Variants in ABCB5 observed in about 807,000 individuals in gnomAD.
ABCB5 encodes ATP binding cassette subfamily B member 5.
A neutral mutation model predicts 144.2 loss-of-function variants in ABCB5; 155 were observed. That is an observed-to-expected ratio of 1.08 (90% CI 0.94 to 1.23). The LOEUF (loss-of-function observed/expected upper bound fraction) is 1.23. Ranked by LOEUF, ABCB5 falls within the 50% of genes most tolerant of loss-of-function variation. ABCB5 has a pLI of 0.00. For synonymous variants in ABCB5, 610 were observed against 528.6 expected (o/e 1.15, Z -2.11); for missense variants, 1,830 against 1,520.8 (o/e 1.20, Z -3.38).
intron 16 of ABCB5, among the ~76,000 whole-genome samples, chr7:20,690,147 C>T (rs149701100): frequency 1.6e-4 from 25 of 152,284 alleles, no homozygotes; most frequent in African/African-American, 6.0e-4. Flanking sequence ...CTTTTTCCCC[C>T]CATTAACCCT....
intron 16 of ABCB5, among the ~76,000 whole-genome samples, chr7:20,690,762 G>T (rs143143311): frequency 6.6e-6 from 1 of 152,044 alleles, no homozygotes; most frequent in Non-Finnish European, 1.5e-5. Context: ...ATTTAGATTC[G>T]GATAGAAAAA....
intron 23 of ABCB5, among the ~76,000 whole-genome samples, chr7:20,736,871 A>G (rs953865782): frequency 7.2e-5 from 11 of 152,122 alleles, no homozygotes; most frequent in African/African-American, 2.7e-4. Context: ...TACAGAATCC[A>G]CCTGGAGAAA....
At chr7:20,665,995 C>A (rs947674893) in intron 14 of ABCB5, among the ~76,000 whole-genome samples, 1 of 151,096 alleles carries the variant, frequency 6.6e-6, no homozygotes, top group Non-Finnish European at 1.5e-5. Context: ...CATGGAGAAA[C>A]CCTGTCTCTA....
At chr7:20,727,592 G>A (rs1562582029) in intron 22 of ABCB5, among the ~76,000 whole-genome samples, 1 of 151,982 alleles carries the variant, frequency 6.6e-6, no homozygotes, top group Non-Finnish European at 1.5e-5. Flanking sequence ...AAAATTAGCT[G>A]GGTGTGGTGG....
At chr7:20,704,675 T>TA (rs550551533) in intron 19 of ABCB5, 49 bp from the exon 20 acceptor site, 206 of 1,491,722 alleles carry the variant, frequency 1.4e-4, no homozygotes, top group South Asian at 2.2e-4. Flanking sequence ...ACAAGTCAGA[T>TA]AAAAAAAATG....
intron 14 of ABCB5, among the ~76,000 whole-genome samples, chr7:20,671,021 T>G (rs1234069490): frequency 6.6e-6 from 1 of 152,050 alleles, no homozygotes; most frequent in Non-Finnish European, 1.5e-5. Flanking sequence ...TATCAGAAAA[T>G]AAAGAAAGCA....
At chr7:20,615,924 G>C (rs901448069) in intron 1 of ABCB5, 87 bp downstream of exon 1, 4 of 152,284 alleles carry the variant, frequency 2.6e-5, no homozygotes, top group African/African-American at 4.8e-5. Context: ...AGAAAGAATA[G>C]TTTGTGGTAA....
intron 5 of ABCB5, among the ~76,000 whole-genome samples, chr7:20,642,281 G>A (rs1401437352): frequency 2.0e-5 from 3 of 152,174 alleles, no homozygotes; most frequent in Non-Finnish European, 4.4e-5. Flanking sequence ...TTTCTGGAAT[G>A]TGCTAAACAA....
intron 26 of ABCB5, among the ~76,000 whole-genome samples, chr7:20,746,096 C>T (rs1330211793): frequency 2.0e-5 from 3 of 150,954 alleles, no homozygotes; most frequent in Non-Finnish European, 4.4e-5. Flanking sequence ...CATAGTAGCG[C>T]CTTAACTTTC....
intron 14 of ABCB5, among the ~76,000 whole-genome samples, chr7:20,671,635 T>C (rs13220972): frequency 0.2 from 30,462 of 152,266 alleles, 3,163 homozygotes; most frequent in African/African-American, 0.25. Context: ...ATCCATGTTG[T>C]AGAATGCATC....
intron 27 of ABCB5, among the ~76,000 whole-genome samples, chr7:20,755,094 T>G (rs1225932347): frequency 2.0e-5 from 3 of 152,130 alleles, no homozygotes; most frequent in Admixed American, 6.6e-5. Flanking sequence ...GGATTACAGA[T>G]GCCTGCCACC....
chr7:20,616,665 A>G (rs559278171), intron 1 of ABCB5, among the ~76,000 whole-genome samples: 1 of 152,342 alleles, frequency 6.6e-6, no homozygotes, highest in African/African-American at 2.4e-5. Flanking sequence ...TAAGATGTTC[A>G]GAGTTCTTCT....
chr7:20,716,393 T>A (rs1018102763), intron 20 of ABCB5, among the ~76,000 whole-genome samples: 1 of 152,166 alleles, frequency 6.6e-6, no homozygotes, highest in African/African-American at 2.4e-5. Flanking sequence ...ATTATAATTT[T>A]AAAAAATAGC....
intron 5 of ABCB5, among the ~76,000 whole-genome samples, chr7:20,641,279 A>G (rs1203257280): frequency 6.6e-6 from 1 of 152,088 alleles, no homozygotes; most frequent in African/African-American, 2.4e-5. Context: ...TCTTTCCTAC[A>G]TTCCTCATAT....
chr7:20,702,016 C>T (rs1372420491), intron 19 of ABCB5, among the ~76,000 whole-genome samples: 1 of 152,122 alleles, frequency 6.6e-6, no homozygotes, highest in Non-Finnish European at 1.5e-5. Context: ...ATTTAACAAC[C>T]GTGCTCAGAC....
chr7:20,658,528 A>G lies in ABCB5; in HGVS notation c.1559A>G (p.Glu520Gly), dbSNP rs773366532. The change falls in exon 14 of 28, where the codon GAA (glutamate) becomes GGA (glycine). Residue 520 changes from glutamate to glycine, a missense_variant. Coordinates refer to ENST00000404938, the MANE Select transcript of ABCB5 (RefSeq NM_001163941.2). The part of the protein sequence containing the change: ...FPNKFNTLVG[E>G]KGAQMSGGQK... ...TAGAAATTTAATACATTGGTAGGGGAAAAAGGAGCTCAAATGAGTGGAGGG... is the reference window on the plus strand; with the variant it reads ...TAGAAATTTAATACATTGGTAGGGGGAAAAGGAGCTCAAATGAGTGGAGGG... 10 of 1,612,760 alleles carry G rather than the reference A, an allele frequency of 6.2e-6. No individual in the cohort carries two copies. The highest frequency in any genetic ancestry group is 2.7e-5 in the African/African-American group (2 of 74,842).
intron 1 of ABCB5, among the ~76,000 whole-genome samples, chr7:20,621,547 A>G (rs183721084): frequency 4.2e-4 from 64 of 152,284 alleles, no homozygotes; most frequent in Non-Finnish European, 7.1e-4. Context: ...AAAAGGAAAC[A>G]TATCTTTTGA....
At chr7:20,658,962 C>G (rs1414696097) in intron 14 of ABCB5, 2 of 1,319,468 alleles carry the variant, frequency 1.5e-6, no homozygotes, top group Non-Finnish European at 1.1e-6. Flanking sequence ...TTCCACCTCC[C>G]TAGAGTGGCC....
intron 14 of ABCB5, among the ~76,000 whole-genome samples, chr7:20,663,943 T>G (rs1408687715): frequency 6.6e-6 from 1 of 152,020 alleles, no homozygotes; most frequent in Non-Finnish European, 1.5e-5. Context: ...CTCGAACTCC[T>G]GACCTCAAAT....
Sources: allele counts gnomAD v4.1 joint callset (sites outside exome capture counted in the v4.1 genomes callset), GRCh38; gene constraint gnomAD v4.1.1; transcripts MANE v1.5; gene names NCBI Gene and HGNC (gene_info 2026-07-23, HGNC 2026-07-21).